SP140: variants seen among roughly 807,000 people sequenced by gnomAD.
The protein encoded by SP140 is nuclear body protein SP140.
SP140 carries 81 observed loss-of-function variants against 125.0 expected under a neutral mutation model. The ratio of observed to expected loss-of-function variants is 0.65; its 90% CI spans 0.54 to 0.78. The LOEUF (loss-of-function observed/expected upper bound fraction) is 0.78. SP140 is among the 30% of genes least tolerant of loss of function. SP140 has a pLI of 0.00. For missense variants in SP140, 858 were observed against 1,037.0 expected (o/e 0.83, Z 2.37); for synonymous variants, 312 against 354.0 (o/e 0.88, Z 1.33).
At chr2:230,269,434 T>C (rs561530261) in intron 12 of SP140, 98 bp from the exon 13 acceptor site, 1 of 788,742 alleles carries the variant, frequency 1.3e-6, no homozygotes, top group African/African-American at 1.7e-5. Flanking sequence ...CAGTTCATCT[T>C]AGCTCAGAAT....
chr2:230,226,762 C>CAAAAAAAA (rs11323886), intron 1 of SP140, among the ~76,000 whole-genome samples: 157 of 94,172 alleles, frequency 1.7e-3, no homozygotes, highest in Non-Finnish European at 2.5e-3. Context: ...AATTCCATCT[C>CAAAAAAAA]AAAAAAAAAA....
At chr2:230,219,000 G>A (rs1317023875) in intron 3 of SP140, among the ~76,000 whole-genome samples, 6 of 152,168 alleles carry the variant, frequency 3.9e-5, no homozygotes, top group Non-Finnish European at 5.9e-5. Flanking sequence ...TGAGGTGGGC[G>A]GATCAGCTGA....
chr2:230,257,392 G>A (rs2051405004), intron 12 of SP140, among the ~76,000 whole-genome samples: 1 of 151,988 alleles, frequency 6.6e-6, no homozygotes, highest in African/African-American at 2.4e-5. Flanking sequence ...GAGAGGAGAT[G>A]TTAAGAAGAG....
chr2:230,208,041 C>A lies in SP140; in HGVS notation c.-323+4762C>A, dbSNP rs754775004. 7 of 1,559,326 alleles carry A rather than the reference C, an allele frequency of 4.5e-6. No individual in the cohort carries two copies. In the Admixed American group the frequency reaches 1.0e-4, roughly 22 times the overall value. On this transcript the variant is annotated intron_variant, in intron 1 of 4. Coordinates refer to the SP140 transcript ENST00000456542. ...TCTCCTTTTTGGAGTTGACCAGATA[C>A]ATCTTTTTCTTTTCTTTCCTAAAAA...
At chr2:230,296,451 G>T (rs781147168) in intron 21 of SP140, among the ~76,000 whole-genome samples, 3 of 152,194 alleles carry the variant, frequency 2.0e-5, no homozygotes, top group Non-Finnish European at 4.4e-5. Flanking sequence ...AGGATGCCAA[G>T]TCATGCCATG....
chr2:230,207,987 T>G (rs763420129), intron 1 of SP140: 7 of 1,480,326 alleles, frequency 4.7e-6, no homozygotes, highest in Non-Finnish European at 6.6e-6. Context: ...TACTCTCATC[T>G]TACCTCCTGG....
Position 230,270,006 on chromosome 2 carries a change from C to T in SP140, c.1444+53C>T. On this transcript the variant is annotated intron_variant, in intron 14 of 26. Coordinates refer to ENST00000392045, the MANE Select transcript of SP140 (RefSeq NM_007237.5). ...GGGGTGGCTCAGTGGGCCCCACAGA[C>T]CCCCAGTAGGGTGGAGGTAGGTGCT... The T allele has an allele frequency of 1.1e-5, 13 of 1,168,704 alleles. No homozygotes were observed. In the South Asian group the frequency reaches 1.6e-4, roughly 14 times the overall value. 72.4% of individuals were successfully genotyped at this position (1,168,704 alleles called of 1,614,324 possible).
chr2:230,263,397 T>C (rs1386065563), intron 12 of SP140, among the ~76,000 whole-genome samples: 1 of 152,188 alleles, frequency 6.6e-6, no homozygotes, highest in East Asian at 1.9e-4. Context: ...GGTTGGTGAG[T>C]TCTTATCGGT....
chr2:230,254,175 G>A (rs1336827534), intron 11 of SP140, among the ~76,000 whole-genome samples: 1 of 152,180 alleles, frequency 6.6e-6, no homozygotes, highest in African/African-American at 2.4e-5. Flanking sequence ...ATTAAACTAT[G>A]CAGAGAAAGA....
At position 230,312,759 on chromosome 2, in the gene SP140, A is replaced by T; in HGVS notation, c.*75A>T. On this transcript the variant is annotated 3_prime_UTR_variant, in exon 27 of 27. Transcript: ENST00000392045. ...GCCGCTGGTTTGCCACTGACTTCAA[A>T]ATGAGGTCACTTGGGCACAGCACAT... is the stretch of plus-strand genomic sequence containing the variant. The T allele has an allele frequency of 1.8e-6, 2 of 1,099,018 alleles. No homozygotes were observed. Among genetic ancestry groups the T allele is most frequent in the Non-Finnish European group, 2.8e-6 (2 of 720,096 alleles). The allele number at this position is 1,099,018 out of a possible 1,614,324, so 68.1% of individuals were successfully genotyped here.
chr2:230,226,059 G>T (rs923127087), intron 1 of SP140, among the ~76,000 whole-genome samples, 156 bp downstream of exon 1: 1 of 152,164 alleles, frequency 6.6e-6, no homozygotes, highest in Non-Finnish European at 1.5e-5. Flanking sequence ...AAATTGCAGG[G>T]ATTGGCTGTT....
At position 230,245,084 on chromosome 2, in the gene SP140, A is replaced by T; in HGVS notation, c.664+4A>T. On this transcript the variant is annotated splice_donor_region_variant and intron_variant, in intron 6 of 26. Coordinates refer to ENST00000392045, the MANE Select transcript of SP140 (RefSeq NM_007237.5). ...AGCCTACTACCAGGTGGGGGAGGTAATTATGATTTAAATGACCAATTATCT... is the reference window on the plus strand; with the variant it reads ...AGCCTACTACCAGGTGGGGGAGGTATTTATGATTTAAATGACCAATTATCT... 6.3e-7 allele frequency: 1 copy of T among 1,597,980 alleles called. No individual in the cohort carries two copies.
At chr2:230,292,348 A>G (rs941232284) in intron 19 of SP140, among the ~76,000 whole-genome samples, 48 of 152,232 alleles carry the variant, frequency 3.2e-4, no homozygotes, top group African/African-American at 1.1e-3. Context: ...ATCTTTCAGA[A>G]TCACTTGCTT....
chr2:230,233,785 G>A (rs1457836478), intron 1 of SP140, among the ~76,000 whole-genome samples: 3 of 152,190 alleles, frequency 2.0e-5, no homozygotes, highest in African/African-American at 7.2e-5. Context: ...ATAAGTAGAA[G>A]GCAGCTAGAC....
At chr2:230,263,346 G>A (rs115483923) in intron 12 of SP140, among the ~76,000 whole-genome samples, 13,888 of 152,026 alleles carry the variant, frequency 0.091, 895 homozygotes, top group South Asian at 0.19. Context: ...AAGTTTATGC[G>A]AGTCCTTATG....
chr2:230,210,169 A>G (rs973658953), intron 1 of SP140, among the ~76,000 whole-genome samples: 4 of 152,218 alleles, frequency 2.6e-5, no homozygotes, highest in Middle Eastern at 3.2e-3. Flanking sequence ...ATTTTTGCCA[A>G]CTTGTGGTTA....
At chr2:230,257,279 C>T (rs189604325) in intron 12 of SP140, among the ~76,000 whole-genome samples, 2 of 151,140 alleles carry the variant, frequency 1.3e-5, no homozygotes, top group Non-Finnish European at 2.9e-5. Context: ...ATCTACGATA[C>T]GAGATAGGAG....
chr2:230,286,431 G>A (rs539399083), intron 17 of SP140, among the ~76,000 whole-genome samples: 2 of 152,288 alleles, frequency 1.3e-5, no homozygotes, highest in South Asian at 4.1e-4. Flanking sequence ...ATAGCTGTTG[G>A]CTTGGTCCCA....
chr2:230,310,514 C>CA (rs1410366164), intron 23 of SP140: 9 of 954,882 alleles, frequency 9.4e-6, no homozygotes, highest in East Asian at 2.7e-5. Context: ...AGTCCACACT[C>CA]ACGGTGACAC....
Sources: gnomAD v4.1 joint callset for allele counts (sites outside exome capture counted in the v4.1 genomes callset) on GRCh38, gnomAD v4.1.1 for gene constraint, MANE v1.5 for transcripts, NCBI Gene and HGNC (gene_info 2026-07-23, HGNC 2026-07-21) for gene names.